Variants in PASK observed in about 807,000 individuals in gnomAD.
The protein encoded by PASK is PAS domain containing serine/threonine kinase, also known as PAS domain-containing serine/threonine-protein kinase.
A neutral mutation model predicts 121.0 loss-of-function variants in PASK; 110 were observed. The observed-to-expected ratio is 0.91, with a 90% confidence interval of 0.78 to 1.06. The LOEUF (loss-of-function observed/expected upper bound fraction) is 1.06. Among genes scored for constraint, PASK ranks in the 50% least tolerant of loss-of-function variants. The probability of loss-of-function intolerance (pLI) is 0.00; values close to 1 mark genes in which losing one functional copy is unlikely to be tolerated. For synonymous variants in PASK, 686 were observed against 717.8 expected, an observed-to-expected ratio of 0.96 and a Z score of 0.71; for missense variants, 1,643 against 1,702.3, an observed-to-expected ratio of 0.97 and a Z score of 0.61.
In PASK at chr2:241,108,002, T is replaced by C. The variant is rs771161412; in HGVS notation, c.3667+165A>G. 1.3e-5 allele frequency among the ~76,000 whole-genome samples: 2 copies of C among 152,028 alleles called. No individual in the cohort carries two copies. Among genetic ancestry groups the C allele is most frequent in the Admixed American group, 6.6e-5 (1 of 15,266 alleles). ...AGGAACATTAACAAAAACTAAATTA[T>C]CAAGATGTTTTAAAGTCATATGCAA... On this transcript the variant is annotated intron_variant, in intron 16 of 17. Transcript: ENST00000234040. The surrounding 1 kb of genome is among the most constrained non-coding windows in gnomAD (Gnocchi z 5.2).
chr2:241,122,865 G>A lies in PASK; in HGVS notation c.2939C>T (p.Pro980Leu), dbSNP rs1186831122. 1 of 1,614,130 alleles carries A rather than the reference G, an allele frequency of 6.2e-7. No homozygotes were observed. The highest frequency in any genetic ancestry group is 1.3e-5 in the African/African-American group (1 of 75,060). ...LRARPWFEEP[P>L]KAVELEGLAA... is the part of the protein sequence containing the mutation. ...CAACCCCTCCAGTTCCACAGCCTTG[G>A]GGGGCTCCTCAAACCAGGGTCTGGC... The change falls in exon 12 of 18, where the codon CCC (proline) becomes CTC (leucine). Residue 980 changes from proline to leucine, a missense_variant. By Grantham distance (98) the Pro-to-Leu change is moderately conservative. Transcript: ENST00000234040.
At chr2:241,136,188 C>T (rs2066420661) in intron 7 of PASK, 149 bp from the exon 8 acceptor site, 8 of 729,596 alleles carry the variant, frequency 1.1e-5, no homozygotes, top group East Asian at 7.8e-5. Context: ...AAATGCCCTT[C>T]GACGCACCTG....
intron 9 of PASK, among the ~76,000 whole-genome samples, chr2:241,129,921 T>A (rs1016354863): frequency 7.2e-5 from 11 of 152,154 alleles, no homozygotes; most frequent in African/African-American, 2.7e-4. Flanking sequence ...TCACCTGGGG[T>A]CTCTTCGAGG....
intron 2 of PASK, among the ~76,000 whole-genome samples, chr2:241,141,211 C>T (rs1309509203): frequency 6.6e-6 from 1 of 152,188 alleles, no homozygotes; most frequent in African/African-American, 2.4e-5. Context: ...TGCCTGAGCC[C>T]AGGAGTTTGA....
intron 11 of PASK, among the ~76,000 whole-genome samples, chr2:241,123,708 C>A (rs2065726693): frequency 6.6e-6 from 1 of 151,714 alleles, no homozygotes; most frequent in Admixed American, 6.6e-5. Context: ...ATCCCCACTA[C>A]TCGGGAGGCT....
chr2:241,137,288 GC>G (rs2066480304), intron 6 of PASK, 24 bp from the exon 7 acceptor site: 1 of 1,610,068 alleles, frequency 6.2e-7, no homozygotes, highest in Non-Finnish European at 8.5e-7. Flanking sequence ...TTGTCGTTTG[GC>G]TTAAGCCGTG....
At position 241,112,418 on chromosome 2, in the gene PASK, G is replaced by T; in HGVS notation, c.3355C>A (p.Leu1119Met). Residue 1119 changes from leucine (L) to methionine (M), a missense_variant, in exon 15 of 18, where the codon CTG (leucine) becomes ATG (methionine). Transcript: ENST00000234040. The surrounding 1 kb of genome is among the most constrained non-coding windows in gnomAD (Gnocchi z 5.2). ...CGGTGGATGATGTCCTTCAAGCGCA[G>T]GTATCCCACTGCTGACACTAGCTGG... ...FRQLVSAVGY[L>M]RLKDIIHRDI... is the part of the protein sequence containing the mutation. 1 of 1,613,396 alleles carries T rather than the reference G, an allele frequency of 6.2e-7. No individual in the cohort carries two copies. Among genetic ancestry groups the T allele is most frequent in the Non-Finnish European group, 8.5e-7 (1 of 1,179,572 alleles).
chr2:241,150,158 A>G (rs7584799), upstream of PASK: 437,484 of 1,259,708 alleles, frequency 0.35, 79,349 homozygotes, highest in Middle Eastern at 0.4. Context: ...GTCAACTCTC[A>G]AGCCCAGGGC....
At position 241,124,018 on chromosome 2, in the gene PASK, C is replaced by G. The variant is rs775507399; in HGVS notation, c.2835G>C (p.Leu945=). ...TGGAGCCGGGCAGGCTGGCAAGGAA[C>G]AGGCGGGTCCTGGCGGCTGAGTCGC... is the stretch of plus-strand genomic sequence containing the variant. The part of the protein sequence containing the change: ...SQRDSAARTR[L]FLASLPGSTH... Residue 945 remains leucine (L), a synonymous_variant, in exon 11 of 18, where the codon CTG becomes CTC. Transcript: ENST00000234040. 7.4e-6 allele frequency: 12 copies of G among 1,613,950 alleles called. No individual in the cohort carries two copies. In the South Asian group the frequency reaches 1.3e-4, roughly 18 times the overall value.
intron 14 of PASK, chr2:241,113,892 T>C (rs1398161119): frequency 1.9e-5 from 19 of 984,968 alleles, no homozygotes; most frequent in Middle Eastern, 5.2e-4. Context: ...CCTACATACA[T>C]TGATGTGCGA....
chr2:241,116,457 T>C (rs969735342), intron 12 of PASK, among the ~76,000 whole-genome samples: 2 of 152,192 alleles, frequency 1.3e-5, no homozygotes, highest in African/African-American at 4.8e-5. Flanking sequence ...TCAGGGCATG[T>C]GCCCCGGAGA....
chr2:241,116,665 A>C lies in PASK; in HGVS notation c.3073-1252T>G, dbSNP rs1174277040. Among the ~76,000 whole-genome samples the C allele has an allele frequency of 1.3e-5, 2 of 152,268 alleles. 1 individual carries two copies. The highest frequency in any genetic ancestry group is 2.9e-5 in the Non-Finnish European group (2 of 68,044). ...AATATAAGAAAAACAGTGCTACCAC[A>C]GTCAATGATAGTCAAAGTGTAACAG... On this transcript the variant is annotated intron_variant, in intron 12 of 17. Transcript: ENST00000234040.
intron 12 of PASK, among the ~76,000 whole-genome samples, chr2:241,120,866 A>G (rs2065577135): frequency 6.6e-6 from 1 of 152,252 alleles, no homozygotes; most frequent in Non-Finnish European, 1.5e-5. Context: ...CAAATCTTAT[A>G]TACAATTGTT....
intron 14 of PASK, chr2:241,113,910 C>G (rs2065218219): frequency 1.0e-6 from 1 of 984,244 alleles, no homozygotes; most frequent in African/African-American, 1.7e-5. Flanking sequence ...CGATCATATA[C>G]TTTATAAAAT....
intron 15 of PASK, among the ~76,000 whole-genome samples, chr2:241,111,130 C>G (rs1413664578): frequency 6.6e-6 from 1 of 152,208 alleles, no homozygotes; most frequent in Non-Finnish European, 1.5e-5. Context: ...CTCCTCTCCC[C>G]AATGCTGAGG....
In PASK at chr2:241,123,033, C is replaced by T. The variant is rs140975366; in HGVS notation, c.2905-134G>A. 1.8e-3 allele frequency: 1,384 copies of T among 755,606 alleles called. 2 individuals carry two copies. Among genetic ancestry groups the T allele is most frequent in the Non-Finnish European group, 2.6e-3 (1,192 of 464,690 alleles). The allele number at this position is 755,606 out of a possible 1,614,324, so 46.8% of individuals were successfully genotyped here. A position where few individuals can be genotyped will look rare whatever the true frequency, so the allele number is the denominator to read the frequency against. The stretch of plus-strand genomic sequence containing the variant: ...CCCTGCACTCCAGTCCCCTCTCCTC[C>T]CATGCTCTCAGACAGGTCTGAAAGC... On this transcript the variant is annotated intron_variant, in intron 11 of 17. Coordinates refer to ENST00000234040, the MANE Select transcript of PASK (RefSeq NM_015148.4).
At chr2:241,142,761 G>C in intron 2 of PASK, 76 bp downstream of exon 2, 9 of 1,143,408 alleles carry the variant, frequency 7.9e-6, no homozygotes, top group Non-Finnish European at 1.2e-5. Flanking sequence ...TGGTGAGAGG[G>C]TTTCCATGAG....
intron 15 of PASK, among the ~76,000 whole-genome samples, chr2:241,111,640 C>T (rs2065117218): frequency 6.6e-6 from 1 of 152,082 alleles, no homozygotes; most frequent in Non-Finnish European, 1.5e-5. Context: ...CTGCCCAGGC[C>T]GGCCCCCGAC....
At chr2:241,135,772 G>T in intron 8 of PASK, 99 bp downstream of exon 8, 1 of 1,168,836 alleles carries the variant, frequency 8.6e-7, no homozygotes, top group Non-Finnish European at 1.3e-6. Flanking sequence ...GCCTCTGGAG[G>T]GACAATAGCT....
Sources: allele counts gnomAD v4.1 joint callset (sites outside exome capture counted in the v4.1 genomes callset), GRCh38; gene constraint gnomAD v4.1.1; non-coding constraint Gnocchi (gnomAD v3.1); transcripts MANE v1.5; gene names NCBI Gene and HGNC (gene_info 2026-07-23, HGNC 2026-07-21).